The following CTAGE1 variants were observed in gnomAD, a reference collection of about 807,000 sequenced individuals.
CTAGE1 encodes cTAGE family member 2.
For missense variants in CTAGE1, 963 were observed against 855.9 expected, an observed-to-expected ratio of 1.13 and a Z score of -1.56; for synonymous variants, 332 against 302.8, an observed-to-expected ratio of 1.10 and a Z score of -1.00.
At position 22,417,132 on chromosome 18, in the gene CTAGE1, A is replaced by T; in HGVS notation, c.680T>A (p.Leu227Gln). ...CTTGATGTGATTTTCTTTATCATTT[A>T]GAACTTGTTCTGCATGTACTTTGGA... is the stretch of plus-strand genomic sequence containing the variant. ...EDSKVHAEQV[L>Q]NDKENHIKTL... The change falls in exon 1 of 1, where the codon CTA becomes CAA. Residue 227 changes from leucine (L) to glutamine (Q), a missense_variant. Leu to Gln is a moderately radical substitution (Grantham distance 113). Coordinates refer to ENST00000391403, the MANE Select transcript of CTAGE1 (RefSeq NM_172241.3). The T allele has an allele frequency of 6.2e-7, 1 of 1,613,904 alleles. No homozygotes were observed. Among genetic ancestry groups the T allele is most frequent in the East Asian group, 2.2e-5 (1 of 44,872 alleles).
Position 22,415,134 on chromosome 18 carries a change from A to G in CTAGE1, c.*440T>C, listed in dbSNP as rs2034994773. 1 of 223,326 alleles carries G rather than the reference A, an allele frequency of 4.5e-6. No individual in the cohort carries two copies. Among genetic ancestry groups the G allele is most frequent in the South Asian group, 1.5e-4 (1 of 6,602 alleles). The allele number at this position is 223,326 out of a possible 1,614,324, so 13.8% of individuals were successfully genotyped here. ...AAATTTTTTTAATCAACTAAAACTTATTTAAGCATAAAGTTACTTTCACAT... is the reference window on the plus strand; with the variant it reads ...AAATTTTTTTAATCAACTAAAACTTGTTTAAGCATAAAGTTACTTTCACAT... On this transcript the variant is annotated 3_prime_UTR_variant, in exon 1 of 1. Transcript: ENST00000391403.
rs1188152282 is a variant in CTAGE1, at chr18:22,416,508, G to T, written c.1304C>A (p.Ala435Glu). The T allele has an allele frequency of 1.2e-6, 2 of 1,613,950 alleles. No individual in the cohort carries two copies. The highest frequency in any genetic ancestry group is 1.7e-6 in the Non-Finnish European group (2 of 1,179,932). The change falls in exon 1 of 1, where the codon GCA becomes GAA. Residue 435 changes from alanine to glutamate, a missense_variant. Ala to Glu is a moderately radical substitution (Grantham distance 107). Transcript: ENST00000391403. ...GAGGTTTCTTTCAGCAGTCCAAGCT[G>T]CCGACCAATTATCATGTGCTTTTTT... ...HEKKAHDNWS[A>E]AWTAERNLND...
chr18:22,416,123 G>A lies in CTAGE1; in HGVS notation c.1689C>T (p.Pro563=). The A allele has an allele frequency of 6.2e-7, 1 of 1,613,956 alleles. No homozygotes were observed. Among genetic ancestry groups the A allele is most frequent in the Non-Finnish European group, 8.5e-7 (1 of 1,179,868 alleles). The change falls in exon 1 of 1, where the codon CCC becomes CCT. Residue 563 remains proline, a synonymous_variant. Transcript: ENST00000391403. ...AGTCCTGTTCCCACGGAGGTGCCAG[G>A]GGCCCAGCGTCAGAAGGAGCCCTGT... ...DPHRAPSDAG[P]LAPPWEQDYR... is the part of the protein sequence containing the mutation.
Position 22,417,484 on chromosome 18 carries a change from C to T in CTAGE1, c.328G>A (p.Glu110Lys). 1.2e-6 allele frequency: 2 copies of T among 1,613,982 alleles called. No individual in the cohort carries two copies. The highest frequency in any genetic ancestry group is 1.7e-6 in the Non-Finnish European group (2 of 1,179,872). ...TCEKLNRFNS[E>K]LVHEILCLEK... ...AGACAGAGTATTTCATGCACAAGTT[C>T]AGAATTGAACCTGTTCAGCTTTTCG... The change falls in exon 1 of 1, where the codon GAA becomes AAA. Residue 110 changes from glutamate to lysine, a missense_variant. Coordinates refer to ENST00000391403, the MANE Select transcript of CTAGE1 (RefSeq NM_172241.3).
Position 22,415,878 on chromosome 18 carries a change from G to A in CTAGE1, c.1934C>T (p.Pro645Leu), listed in dbSNP as rs747125431. ...ATTTTCAGCGGGGAGAGATGAATCA[G>A]GCACCTTTAAATTACCAAGATTATC... ...TKDNLGNLKVPDSSLPAENEA... is the reference protein window; with the variant it reads ...TKDNLGNLKVLDSSLPAENEA... Residue 645 changes from proline to leucine, a missense_variant, in exon 1 of 1, where the codon CCT (proline) becomes CTT (leucine). Coordinates refer to ENST00000391403, the MANE Select transcript of CTAGE1 (RefSeq NM_172241.3). 4 of 1,613,790 alleles carry A rather than the reference G, an allele frequency of 2.5e-6. No homozygotes were observed. In the South Asian group the frequency reaches 3.3e-5, roughly 13 times the overall value.
Position 22,415,703 on chromosome 18 carries a change from A to G in CTAGE1, c.2109T>C (p.Tyr703=), listed in dbSNP as rs570146639. 8.1e-6 allele frequency: 13 copies of G among 1,614,152 alleles called. No homozygotes were observed. The Middle Eastern group carries it at 8.3e-4, about 102-fold the overall frequency. ...PGTVFGASPD[Y]FSPRDVPGPP... is the part of the protein sequence containing the mutation. Reference sequence around the variant, plus strand: ...GACCTGGGACATCCCTTGGAGAAAAATAATCTGGAGAAGCTCCAAACACGG... The same window carrying G: ...GACCTGGGACATCCCTTGGAGAAAAGTAATCTGGAGAAGCTCCAAACACGG... Residue 703 remains tyrosine (Y), a synonymous_variant, in exon 1 of 1, where the codon TAT becomes TAC. Transcript: ENST00000391403.
chr18:22,416,396 AT>A lies in CTAGE1; in HGVS notation c.1415del (p.Tyr472LeufsTer80). 1.2e-6 allele frequency: 2 copies of A among 1,613,886 alleles called. No individual in the cohort carries two copies. Among genetic ancestry groups the A allele is most frequent in the South Asian group, 2.2e-5 (2 of 91,012 alleles). ...ATGCTGTATTTGGAACATCAAGTCC[AT>A]AAGGATCTTTTTCTAAAAGTTTTAT... Reference protein sequence around the residue: ...FKIKLLEKDPYGLDVPNTAFG... With the variant: ...FKIKLLEKDPXGLDVPNTAFG... On this transcript the variant is annotated frameshift_variant, in exon 1 of 1. Coordinates refer to ENST00000391403, the MANE Select transcript of CTAGE1 (RefSeq NM_172241.3). LOFTEE classifies it low-confidence loss of function (END_TRUNC).
Position 22,416,901 on chromosome 18 carries a change from T to A in CTAGE1, c.911A>T (p.Asn304Ile). Residue 304 changes from asparagine to isoleucine, a missense_variant, in exon 1 of 1, where the codon AAC (asparagine) becomes ATC (isoleucine). Asn to Ile is a moderately radical substitution (Grantham distance 149, BLOSUM62 -3). Transcript: ENST00000391403. The part of the protein sequence containing the change: ...ASLKTLEGER[N>I]QIYIQLSEVD... ...TTCAGATAATTGAATATAAATTTGG[T>A]TTCTTTCTCCTTCTAAGGTTTTTAA... is the stretch of plus-strand genomic sequence containing the variant. 1 of 1,613,778 alleles carries A rather than the reference T, an allele frequency of 6.2e-7. No homozygotes were observed. The highest frequency in any genetic ancestry group is 8.5e-7 in the Non-Finnish European group (1 of 1,179,828).
chr18:22,416,291 T>G lies in CTAGE1; in HGVS notation c.1521A>C (p.Pro507=). ...SSETRASLYP[P]TLLEGPLRLS... is the part of the protein sequence containing the mutation. ...GTCTGAGAGGACCTTCCAACAAAGT[T>G]GGAGGATAGAGAGAAGCTCTCGTTT... is the stretch of plus-strand genomic sequence containing the variant. The change falls in exon 1 of 1, where the codon CCA becomes CCC. Residue 507 remains proline, a synonymous_variant. Coordinates refer to ENST00000391403, the MANE Select transcript of CTAGE1 (RefSeq NM_172241.3). The G allele has an allele frequency of 6.2e-7, 1 of 1,613,956 alleles. No homozygotes were observed. Among genetic ancestry groups the G allele is most frequent in the Non-Finnish European group, 8.5e-7 (1 of 1,179,848 alleles).
Position 22,415,879 on chromosome 18 carries a change from G to T in CTAGE1, c.1933C>A (p.Pro645Thr), listed in dbSNP as rs1444024437. 1 of 1,613,890 alleles carries T rather than the reference G, an allele frequency of 6.2e-7. No homozygotes were observed. The highest frequency in any genetic ancestry group is 2.2e-5 in the East Asian group (1 of 44,874). Residue 645 changes from proline (P) to threonine (T), a missense_variant, in exon 1 of 1, where the codon CCT becomes ACT. Pro to Thr is a conservative substitution (Grantham distance 38, BLOSUM62 -1). Coordinates refer to ENST00000391403, the MANE Select transcript of CTAGE1 (RefSeq NM_172241.3). ...TTTTCAGCGGGGAGAGATGAATCAG[G>T]CACCTTTAAATTACCAAGATTATCT... ...TKDNLGNLKV[P>T]DSSLPAENEA...
Position 22,416,360 on chromosome 18 carries a change from C to G in CTAGE1, c.1452G>C (p.Gln484His), listed in dbSNP as rs367804987. Residue 484 changes from glutamine (Q) to histidine (H), a missense_variant, in exon 1 of 1, where the codon CAG becomes CAC. Coordinates refer to ENST00000391403, the MANE Select transcript of CTAGE1 (RefSeq NM_172241.3). ...LDVPNTAFGRQHSPYGPSPLG... is the reference protein window; with the variant it reads ...LDVPNTAFGRHHSPYGPSPLG... ...ATGGTGAGGGACCATATGGGGAATG[C>G]TGTCTGCCAAATGCTGTATTTGGAA... 6.2e-6 allele frequency: 10 copies of G among 1,613,840 alleles called. No individual in the cohort carries two copies. Among genetic ancestry groups the G allele is most frequent in the Middle Eastern group, 1.6e-4 (1 of 6,078 alleles).
At position 22,414,452 on chromosome 18, in the gene CTAGE1, T is replaced by G. The variant is rs2034984655; in HGVS notation, c.*1122A>C. 1 of 554,832 alleles carries G rather than the reference T, an allele frequency of 1.8e-6. No individual in the cohort carries two copies. Among genetic ancestry groups the G allele is most frequent in the Admixed American group, 3.3e-5 (1 of 30,000 alleles). The allele number at this position is 554,832 out of a possible 1,614,324, so 34.4% of individuals were successfully genotyped here. On this transcript the variant is annotated 3_prime_UTR_variant, in exon 1 of 1. Transcript: ENST00000391403. ...GGAGGCATGTGAGCTAGGATGCTTT[T>G]TAAAAGTGAGGGCAGGTTGTCCCCA...
Position 22,415,761 on chromosome 18 carries a change from C to A in CTAGE1, c.2051G>T (p.Arg684Ile). The change falls in exon 1 of 1, where the codon AGA (arginine) becomes ATA (isoleucine). Residue 684 changes from arginine (R) to isoleucine (I), a missense_variant. Physicochemically the swap from Arg to Ile is moderately conservative, Grantham distance 97. Coordinates refer to ENST00000391403, the MANE Select transcript of CTAGE1 (RefSeq NM_172241.3). ...PVDTRGPFIR[R>I]GPPFPPPPPG... The stretch of plus-strand genomic sequence containing the variant: ...AGGAGGTGGGGGGAAAGGAGGTCCT[C>A]TTCTTATGAACGGGCCCCTTGTATC... The A allele has an allele frequency of 6.2e-7, 1 of 1,613,944 alleles. No individual in the cohort carries two copies. Among genetic ancestry groups the A allele is most frequent in the Non-Finnish European group, 8.5e-7 (1 of 1,179,870 alleles).
In CTAGE1 at chr18:22,414,510, T is replaced by C. The variant is rs1324108740; in HGVS notation, c.*1064A>G. On this transcript the variant is annotated 3_prime_UTR_variant, in exon 1 of 1. Coordinates refer to ENST00000391403, the MANE Select transcript of CTAGE1 (RefSeq NM_172241.3). ...CAATGGCTTGGTGGCCCAGCTTGCA[T>C]GAAGGACTAATCCAAAATTTGAGGG... 1.4e-5 allele frequency: 8 copies of C among 587,546 alleles called. No homozygotes were observed. The highest frequency in any genetic ancestry group is 9.0e-6 in the Non-Finnish European group (3 of 333,394). The allele number at this position is 587,546 out of a possible 1,614,324, so 36.4% of individuals were successfully genotyped here.
chr18:22,416,261 TGA>T lies in CTAGE1; in HGVS notation c.1549_1550del (p.Ser517ThrfsTer32). On this transcript the variant is annotated frameshift_variant, in exon 1 of 1. Coordinates refer to ENST00000391403, the MANE Select transcript of CTAGE1 (RefSeq NM_172241.3). LOFTEE classifies it low-confidence loss of function (END_TRUNC). ...TTCCTCCTCCCCGTGGAAGCAAAGG[TGA>T]GAGTCTGAGAGGACCTTCCAACAAA... ...PTLLEGPLRL[S>X]PLLPRGGGRG... 1 of 1,613,890 alleles carries T rather than the reference TGA, an allele frequency of 6.2e-7. No homozygotes were observed. Among genetic ancestry groups the T allele is most frequent in the African/African-American group, 1.3e-5 (1 of 75,024 alleles).
chr18:22,416,468 T>C lies in CTAGE1; in HGVS notation c.1344A>G (p.Lys448=), dbSNP rs1319394675. Reference sequence around the variant, plus strand: ...ATTTTTGTCTGTTGTGAGCATTTTCTTTCCTTAAATCATTGAGGTTTCTTT... The same window carrying C: ...ATTTTTGTCTGTTGTGAGCATTTTCCTTCCTTAAATCATTGAGGTTTCTTT... ...TAERNLNDLR[K]ENAHNRQKLT... The change falls in exon 1 of 1, where the codon AAA becomes AAG. Residue 448 remains lysine, a synonymous_variant. Transcript: ENST00000391403. 4 of 1,613,988 alleles carry C rather than the reference T, an allele frequency of 2.5e-6. No homozygotes were observed. The highest frequency in any genetic ancestry group is 2.5e-6 in the Non-Finnish European group (3 of 1,180,018).
rs773995168 is a variant in CTAGE1 at position 22,415,900 on chromosome 18, T to C, written c.1912A>G (p.Asn638Asp). 31 of 1,613,836 alleles carry C rather than the reference T, an allele frequency of 1.9e-5. No homozygotes were observed. The highest frequency in any genetic ancestry group is 3.3e-4 in the Middle Eastern group (2 of 6,078). The change falls in exon 1 of 1, where the codon AAT becomes GAT. Residue 638 changes from asparagine to aspartate, a missense_variant. By Grantham distance (23) the Asn-to-Asp change is conservative. Transcript: ENST00000391403. ...MESSRNDTKDNLGNLKVPDSS... is the reference protein window; with the variant it reads ...MESSRNDTKDDLGNLKVPDSS... ...TCAGGCACCTTTAAATTACCAAGAT[T>C]ATCTTTGGTATCATTTCTACTGGAT...
rs372815739 is a variant in CTAGE1, at chr18:22,417,343, C to A, written c.469G>T (p.Val157Leu). ...EDESKSLKSQ[V>L]AEAKMTFKRF... ...TTGAAGGTCATTTTGGCTTCAGCTA[C>A]TTGTGATTTGAGGGATTTTGACTCA... Residue 157 changes from valine to leucine, a missense_variant, in exon 1 of 1, where the codon GTA becomes TTA. Coordinates refer to ENST00000391403, the MANE Select transcript of CTAGE1 (RefSeq NM_172241.3). 6.2e-7 allele frequency: 1 copy of A among 1,613,950 alleles called. No individual in the cohort carries two copies. Among genetic ancestry groups the A allele is most frequent in the South Asian group, 1.1e-5 (1 of 91,072 alleles).
rs1201774594 is a variant in CTAGE1 at position 22,415,086 on chromosome 18, A to G, written c.*488T>C. ...TACCTTCCCACCTGTGCATATTTATATATTTCTTTTTTTAAATTTTTTAAA... is the reference window on the plus strand; with the variant it reads ...TACCTTCCCACCTGTGCATATTTATGTATTTCTTTTTTTAAATTTTTTAAA... On this transcript the variant is annotated 3_prime_UTR_variant, in exon 1 of 1. Coordinates refer to ENST00000391403, the MANE Select transcript of CTAGE1 (RefSeq NM_172241.3). 3 of 290,264 alleles carry G rather than the reference A, an allele frequency of 1.0e-5. No homozygotes were observed. The highest frequency in any genetic ancestry group is 1.9e-5 in the Non-Finnish European group (3 of 159,496). 18.0% of individuals were successfully genotyped at this position (290,264 alleles called of 1,614,324 possible). A position where few individuals can be genotyped will look rare whatever the true frequency, so the allele number is the denominator to read the frequency against.
Sources: allele counts gnomAD v4.1 joint callset, GRCh38; gene constraint gnomAD v4.1.1; transcripts MANE v1.5; gene names NCBI Gene and HGNC (gene_info 2026-07-23, HGNC 2026-07-21).